Variants in KIAA0319L observed in about 807,000 individuals in gnomAD.
KIAA0319L encodes the protein KIAA0319 like.
In KIAA0319L, 55 loss-of-function variants were observed where a neutral mutation model predicts 120.1. That is an observed-to-expected ratio of 0.46 (90% CI 0.37 to 0.57). KIAA0319L has a LOEUF of 0.57. Ranked by LOEUF, KIAA0319L falls within the 20% of genes least tolerant of loss-of-function variation. KIAA0319L has a pLI of 0.00. For synonymous variants in KIAA0319L, 398 were observed against 471.9 expected, an observed-to-expected ratio of 0.84 and a Z score of 2.03; for missense variants, 1,049 against 1,255.3, an observed-to-expected ratio of 0.84 and a Z score of 2.48.
At chr1:35,498,022 A>G (rs924327336) in intron 3 of KIAA0319L, among the ~76,000 whole-genome samples, 1 of 152,220 alleles carries the variant, frequency 6.6e-6, no homozygotes, top group African/African-American at 2.4e-5. Context: ...ACATGGAACA[A>G]ATTATTTTAT....
chr1:35,526,028 G>GTA (rs896868292), intron 2 of KIAA0319L, among the ~76,000 whole-genome samples: 3 of 151,864 alleles, frequency 2.0e-5, no homozygotes, highest in African/African-American at 7.3e-5. Flanking sequence ...GACAGACAGG[G>GTA]GCTCTAGTTT....
chr1:35,545,075 C>A (rs943201115), intron 2 of KIAA0319L, among the ~76,000 whole-genome samples: 1 of 152,088 alleles, frequency 6.6e-6, no homozygotes, highest in Non-Finnish European at 1.5e-5. Flanking sequence ...AGAAAGGGGG[C>A]CCCAGAAGTC....
At position 35,506,417 on chromosome 1, in the gene KIAA0319L, T is replaced by C. The variant is rs1000411965; in HGVS notation, c.666+195A>G. Reference sequence around the variant, plus strand: ...TACCAAAACAATGGTCAGACCTACATAGCATGAACATCTCTAGGGTCAAAT... The same window carrying C: ...TACCAAAACAATGGTCAGACCTACACAGCATGAACATCTCTAGGGTCAAAT... On this transcript the variant is annotated intron_variant, in intron 3 of 20. Transcript: ENST00000325722. This position sits in a 1 kb window ranked among gnomAD's most constrained non-coding sequence, Gnocchi z 4.0. Among the ~76,000 whole-genome samples, 1 of 152,144 alleles carries C rather than the reference T, an allele frequency of 6.6e-6. No individual in the cohort carries two copies. The highest frequency in any genetic ancestry group is 2.4e-5 in the African/African-American group (1 of 41,442).
In KIAA0319L at chr1:35,479,047, G is replaced by A. The variant is rs267598576; in HGVS notation, c.832C>T (p.Pro278Ser). ...CTGTAGGAGGGAGCCACTGGCTGGG[G>A]GACAGCAATCTGGGTTTTCTCAGAA... ...KSSEKTQIAV[P>S]QPVAPSYSYA... The change falls in exon 4 of 21, where the codon CCC becomes TCC. Residue 278 changes from proline (P) to serine (S), a missense_variant. By Grantham distance (74) the Pro-to-Ser change is moderately conservative (BLOSUM62 -1). Transcript: ENST00000325722. 1.2e-6 allele frequency: 2 copies of A among 1,614,122 alleles called. No individual in the cohort carries two copies. Among genetic ancestry groups the A allele is most frequent in the East Asian group, 2.2e-5 (1 of 44,880 alleles).
intron 1 of KIAA0319L, chr1:35,554,983 C>T (rs1387988000): frequency 1.3e-5 from 2 of 152,904 alleles, no homozygotes; most frequent in Non-Finnish European, 2.9e-5. Flanking sequence ...TTTCTGAATG[C>T]AAATGTCTTT....
intron 15 of KIAA0319L, 65 bp from the exon 16 acceptor site, chr1:35,448,397 G>T (rs1641801829): frequency 6.8e-7 from 1 of 1,466,142 alleles, no homozygotes; most frequent in Non-Finnish European, 9.4e-7. Flanking sequence ...CTGCCACTGT[G>T]CATTTGCTTT....
intron 6 of KIAA0319L, among the ~76,000 whole-genome samples, chr1:35,467,692 CTTT>C (rs879572577): frequency 1.4e-5 from 2 of 144,772 alleles, no homozygotes; most frequent in Non-Finnish European, 1.5e-5. Flanking sequence ...ATCATACAAT[CTTT>C]TTTTTTTTTT....
intron 5 of KIAA0319L, among the ~76,000 whole-genome samples, chr1:35,472,636 G>T (rs1375481078): frequency 6.6e-6 from 1 of 151,944 alleles, no homozygotes; most frequent in East Asian, 1.9e-4. Flanking sequence ...ATCCTAATGG[G>T]CTGCCATAGG....
At chr1:35,531,296 C>T (rs1646358030) in intron 2 of KIAA0319L, among the ~76,000 whole-genome samples, 1 of 152,236 alleles carries the variant, frequency 6.6e-6, no homozygotes, top group Admixed American at 6.5e-5. Flanking sequence ...ACTACACTGC[C>T]CTTTCCCTGG....
At chr1:35,469,219 G>A (rs1643463488) in intron 6 of KIAA0319L, among the ~76,000 whole-genome samples, 1 of 152,132 alleles carries the variant, frequency 6.6e-6, no homozygotes. Context: ...TGTGGAGTTA[G>A]AGTTTCACCA....
intron 3 of KIAA0319L, among the ~76,000 whole-genome samples, chr1:35,487,364 C>T (rs1644427080): frequency 1.3e-5 from 2 of 152,024 alleles, no homozygotes; most frequent in Non-Finnish European, 2.9e-5. Flanking sequence ...AAGTGATTCT[C>T]GTGCCTCAGC....
chr1:35,531,634 G>A (rs970463484), intron 2 of KIAA0319L, among the ~76,000 whole-genome samples: 1 of 152,172 alleles, frequency 6.6e-6, no homozygotes, highest in Non-Finnish European at 1.5e-5. Flanking sequence ...AGGATTACAG[G>A]AGGTGGTGAG....
intron 9 of KIAA0319L, among the ~76,000 whole-genome samples, chr1:35,457,410 G>C (rs1162328707): frequency 6.6e-6 from 1 of 151,154 alleles, no homozygotes; most frequent in African/African-American, 2.4e-5. Flanking sequence ...AGGAGGGCTG[G>C]CTCCAGTAAG....
chr1:35,551,241 T>C (rs1310675923), intron 2 of KIAA0319L, among the ~76,000 whole-genome samples: 1 of 152,246 alleles, frequency 6.6e-6, no homozygotes, highest in Non-Finnish European at 1.5e-5. Context: ...TCGTTTTGAT[T>C]GGTAATGAGA....
chr1:35,523,777 C>T (rs1646018412), intron 2 of KIAA0319L, among the ~76,000 whole-genome samples: 1 of 152,122 alleles, frequency 6.6e-6, no homozygotes, highest in African/African-American at 2.4e-5. Context: ...GCCTGCAGAC[C>T]AGAGGAAAAA....
At chr1:35,513,267 C>CATATATATATATATAT (rs1189085625) in intron 2 of KIAA0319L, among the ~76,000 whole-genome samples, 12 of 107,448 alleles carry the variant, frequency 1.1e-4, no homozygotes, top group East Asian at 8.4e-4. Context: ...ATCTATATAA[C>CATATATATATATATAT]ATATATATAT....
intron 2 of KIAA0319L, among the ~76,000 whole-genome samples, chr1:35,537,691 T>C (rs1036179410): frequency 1.3e-5 from 2 of 150,236 alleles, no homozygotes; most frequent in African/African-American, 2.5e-5. Context: ...AAGCTTCAGA[T>C]ACTTAAATAT....
chr1:35,460,486 G>C, intron 8 of KIAA0319L, 49 bp from the exon 9 acceptor site: 1 of 1,572,966 alleles, frequency 6.4e-7, no homozygotes, highest in Non-Finnish European at 8.6e-7. Flanking sequence ...CTTGGTCTTA[G>C]CACTTATCCA....
intron 8 of KIAA0319L, 86 bp downstream of exon 8, chr1:35,462,535 G>T: frequency 2.7e-6 from 3 of 1,118,490 alleles, no homozygotes; most frequent in Non-Finnish European, 4.0e-6. Flanking sequence ...CGCAGACACA[G>T]CTGGCCCCAA....
Sources: gnomAD v4.1 joint callset for allele counts (sites outside exome capture counted in the v4.1 genomes callset) on GRCh38, gnomAD v4.1.1 for gene constraint, Gnocchi (gnomAD v3.1) non-coding constraint, MANE v1.5 for transcripts, NCBI Gene and HGNC (gene_info 2026-07-23, HGNC 2026-07-21) for gene names.